TTC17: variants seen among roughly 807,000 people sequenced by gnomAD.
TTC17 encodes the protein tetratricopeptide repeat domain 17, also known as tetratricopeptide repeat protein 17.
A neutral mutation model predicts 143.8 loss-of-function variants in TTC17; 58 were observed. That is an observed-to-expected ratio of 0.40 (90% confidence interval 0.33 to 0.50). The LOEUF (loss-of-function observed/expected upper bound fraction) is 0.50, where lower values mean the gene tolerates loss of function less well. TTC17 is among the 20% of genes least tolerant of loss of function. TTC17 has a pLI of 0.49. For synonymous variants in TTC17, 501 were observed against 497.8 expected, an observed-to-expected ratio of 1.01 and a Z score of -0.09; for missense variants, 1,273 against 1,392.5, an observed-to-expected ratio of 0.91 and a Z score of 1.37.
chr11:43,393,107 G>A (rs761590076), intron 5 of TTC17, among the ~76,000 whole-genome samples: 12 of 152,056 alleles, frequency 7.9e-5, no homozygotes, highest in Middle Eastern at 3.2e-3. Context: ...TTTCTCACAC[G>A]ACTAATTCGG....
At chr11:43,442,676 GGAGA>G (rs1947449461) in intron 16 of TTC17, among the ~76,000 whole-genome samples, 1 of 152,188 alleles carries the variant, frequency 6.6e-6, no homozygotes, top group Admixed American at 6.5e-5. Flanking sequence ...TGAGTTCTCA[GGAGA>G]GAGAATTTTT....
At chr11:43,443,210 TAG>T in intron 16 of TTC17, 113 bp from the exon 17 acceptor site, 1 of 1,188,752 alleles carries the variant, frequency 8.4e-7, no homozygotes, top group East Asian at 2.4e-5. Flanking sequence ...CATTGGGCTA[TAG>T]TAGTGCCTCT....
intron 1 of TTC17, among the ~76,000 whole-genome samples, chr11:43,375,960 A>T (rs1856749985): frequency 6.6e-6 from 1 of 152,078 alleles, no homozygotes; most frequent in South Asian, 2.1e-4. Flanking sequence ...GATATTAACA[A>T]TATCTTGGTT....
Position 43,450,242 on chromosome 11 carries a change from G to T in TTC17, c.2946+1G>T. ...CACAGGGGAGAGTCAGTTAACAGAG[G>T]TGAGTGCTCGGCTTTGTTCAGGCTG... On this transcript the variant is annotated splice_donor_variant, in intron 20 of 23. Transcript: ENST00000039989. LOFTEE classifies it high-confidence loss of function. The T allele has an allele frequency of 3.7e-6, 6 of 1,612,806 alleles. No homozygotes were observed. The highest frequency in any genetic ancestry group is 5.1e-6 in the Non-Finnish European group (6 of 1,179,350).
intron 21 of TTC17, among the ~76,000 whole-genome samples, chr11:43,474,481 T>G (rs1480048351): frequency 6.6e-6 from 1 of 152,196 alleles, no homozygotes; most frequent in Non-Finnish European, 1.5e-5. Context: ...TTTTTCAATT[T>G]GACTTTGAAA....
chr11:43,419,610 T>A (rs1008200163), intron 16 of TTC17, among the ~76,000 whole-genome samples: 2 of 152,228 alleles, frequency 1.3e-5, no homozygotes, highest in Non-Finnish European at 2.9e-5. Context: ...TATCACATCC[T>A]TTTACATTCT....
At position 43,470,471 on chromosome 11, in the gene TTC17, G is replaced by A. The variant is rs902344941; in HGVS notation, c.3030+19206G>A. Among the ~76,000 whole-genome samples, 11 of 152,272 alleles carry A rather than the reference G, an allele frequency of 7.2e-5. No homozygotes were observed. The South Asian group carries it at 8.3e-4, about 11-fold the overall frequency. The stretch of plus-strand genomic sequence containing the variant: ...GGGACATGGCTTGGCTATAAGAACC[G>A]TGACACTCAGAAGCTCAAAGCTGTG... On this transcript the variant is annotated intron_variant, in intron 21 of 23. Coordinates refer to ENST00000039989, the MANE Select transcript of TTC17 (RefSeq NM_018259.6).
intron 16 of TTC17, among the ~76,000 whole-genome samples, chr11:43,427,158 C>T (rs1947048318): frequency 1.3e-5 from 2 of 152,182 alleles, no homozygotes; most frequent in African/African-American, 4.8e-5. Context: ...ATACTTACTA[C>T]GTAAACCAAG....
intron 21 of TTC17, among the ~76,000 whole-genome samples, chr11:43,458,838 A>G (rs1418081470): frequency 6.6e-6 from 1 of 152,162 alleles, no homozygotes; most frequent in African/African-American, 2.4e-5. Flanking sequence ...ACATCCACAC[A>G]ACTTCTATTA....
intron 16 of TTC17, among the ~76,000 whole-genome samples, chr11:43,440,266 C>T (rs1046540780): frequency 6.6e-6 from 1 of 152,266 alleles, no homozygotes; most frequent in East Asian, 1.9e-4. Context: ...ACAACCCCAG[C>T]CCTCAGCACA....
chr11:43,446,110 T>A, intron 18 of TTC17: 1 of 1,436,878 alleles, frequency 7.0e-7, no homozygotes, highest in South Asian at 1.5e-5. Flanking sequence ...ACAAGACCCT[T>A]TACAGCCCGC....
rs753330249 is a variant in TTC17, at chr11:43,401,482, A to G, written c.1256A>G (p.His419Arg). ...HQICRLVNQQHSLHCQWDQPV... is the reference protein window; with the variant it reads ...HQICRLVNQQRSLHCQWDQPV... ...ATATGCCGACTGGTCAACCAGCAGC[A>G]TAGTTTACATTGCCAGTGGGACCAG... The change falls in exon 10 of 24, where the codon CAT (histidine) becomes CGT (arginine). Residue 419 changes from histidine to arginine, a missense_variant. Transcript: ENST00000039989. 6.2e-7 allele frequency: 1 copy of G among 1,613,508 alleles called. No homozygotes were observed. Among genetic ancestry groups the G allele is most frequent in the Non-Finnish European group, 8.5e-7 (1 of 1,179,826 alleles).
At chr11:43,408,314 A>AT (rs1385698502) in intron 15 of TTC17, among the ~76,000 whole-genome samples, 1 of 152,196 alleles carries the variant, frequency 6.6e-6, no homozygotes, top group Non-Finnish European at 1.5e-5. Context: ...CTGAAAACTG[A>AT]TTTTTTAAGG....
intron 21 of TTC17, among the ~76,000 whole-genome samples, chr11:43,486,741 A>G (rs1196671906): frequency 6.6e-6 from 1 of 152,198 alleles, no homozygotes. Context: ...ACTATGTTAT[A>G]TAATTATATA....
chr11:43,492,865 A>G (rs763365968), intron 23 of TTC17, among the ~76,000 whole-genome samples: 1 of 152,280 alleles, frequency 6.6e-6, no homozygotes, highest in Non-Finnish European at 1.5e-5. Context: ...AACCCAATTT[A>G]GCATGAGAAT....
chr11:43,378,161 C>T (rs1461604429), intron 1 of TTC17, among the ~76,000 whole-genome samples: 3 of 152,176 alleles, frequency 2.0e-5, no homozygotes, highest in African/African-American at 2.4e-5. Context: ...CCTCGGCCTC[C>T]CAAAGTGCTG....
At chr11:43,448,222 C>T in intron 19 of TTC17, 100 bp downstream of exon 19, 2 of 1,479,082 alleles carry the variant, frequency 1.4e-6, no homozygotes, top group Non-Finnish European at 1.8e-6. Context: ...AAGAGTTATC[C>T]TTTCTAGAGC....
intron 21 of TTC17, among the ~76,000 whole-genome samples, chr11:43,464,284 A>G (rs1164090769): frequency 6.6e-6 from 1 of 152,104 alleles, no homozygotes; most frequent in African/African-American, 2.4e-5. Flanking sequence ...CATCTCAAAA[A>G]AAAAAAAAAA....
chr11:43,359,159 G>A (rs561284892), intron 1 of TTC17, 46 bp downstream of exon 1: 7 of 1,519,806 alleles, frequency 4.6e-6, no homozygotes, highest in East Asian at 2.7e-5. Flanking sequence ...CCCTCGCCCC[G>A]GGGGGATTAC....
Sources: gnomAD v4.1 joint callset for allele counts (sites outside exome capture counted in the v4.1 genomes callset) on GRCh38, gnomAD v4.1.1 for gene constraint, MANE v1.5 for transcripts, NCBI Gene and HGNC (gene_info 2026-07-23, HGNC 2026-07-21) for gene names.